ADNP: variants seen among roughly 807,000 people sequenced by gnomAD.
ADNP encodes the protein activity-dependent neuroprotector homeobox protein.
ADNP carries 4 observed loss-of-function variants against 84.9 expected under a neutral mutation model. That is an observed-to-expected ratio of 0.05 (90% CI 0.02 to 0.11). ADNP has a LOEUF of 0.11. Among genes scored for constraint, ADNP ranks in the 10% least tolerant of loss-of-function variants. The pLI, the probability that ADNP is intolerant of heterozygous loss-of-function variation, is 1.00. For missense variants in ADNP, 1,132 were observed against 1,326.0 expected (o/e 0.85, Z 2.27); for synonymous variants, 554 against 468.1 (o/e 1.18, Z -2.37).
intron 2 of ADNP, 139 bp from the exon 3 acceptor site, chr20:50,904,988 C>CA (rs1982332751): frequency 6.6e-6 from 1 of 152,126 alleles, no homozygotes. Flanking sequence ...CGTACCTGGG[C>CA]AAAGGTACTC....
intron 2 of ADNP, among the ~76,000 whole-genome samples, chr20:50,911,501 TTTTC>T (rs1386667023): frequency 2.7e-5 from 4 of 150,056 alleles, no homozygotes; most frequent in Admixed American, 1.3e-4. Flanking sequence ...CCCAGATTTC[TTTTC>T]TTTTCTTTTT....
intron 2 of ADNP, chr20:50,914,063 C>T: frequency 1.3e-6 from 1 of 742,774 alleles, no homozygotes; most frequent in Admixed American, 1.9e-5. Flanking sequence ...CTACATCATG[C>T]AGCTTCCAAA....
chr20:50,915,483 C>T (rs73263672), intron 2 of ADNP, among the ~76,000 whole-genome samples: 4,685 of 152,154 alleles, frequency 0.031, 232 homozygotes, highest in African/African-American at 0.11. Context: ...AAACAATCAC[C>T]CCACTCAATC....
rs367605121 is a variant in ADNP at position 50,891,858 on chromosome 20, T to C, written c.2856A>G (p.Ala952=). 6 of 1,614,146 alleles carry C rather than the reference T, an allele frequency of 3.7e-6. No individual in the cohort carries two copies. The highest frequency in any genetic ancestry group is 1.1e-5 in the South Asian group (1 of 91,090). The change falls in exon 6 of 6, where the codon GCA becomes GCG. Residue 952 remains alanine, a synonymous_variant. Coordinates refer to ENST00000621696, the MANE Select transcript of ADNP (RefSeq NM_001282531.3). The part of the protein sequence containing the change: ...TEEPTKLMHN[A]SDSEVDQDDV... ...CGTCTTGGTCAACCTCACTATCAGA[T>C]GCATTGTGCATTAGTTTGGTTGGTT... is the stretch of plus-strand genomic sequence containing the variant.
chr20:50,892,801 G>A lies in ADNP; in HGVS notation c.1913C>T (p.Ala638Val), dbSNP rs753360109. ...CCTCTCTCGTAAGTGATGTGCAAGT[G>A]CATCAGATATGGGTCCTTTTAGGAT... is the stretch of plus-strand genomic sequence containing the variant. The part of the protein sequence containing the change: ...FSILKGPISD[A>V]LAHHLRERHQ... The change falls in exon 6 of 6, where the codon GCA becomes GTA. Residue 638 changes from alanine to valine, a missense_variant. Physicochemically the swap from Ala to Val is moderately conservative, Grantham distance 64. Transcript: ENST00000621696. The A allele has an allele frequency of 6.2e-7, 1 of 1,614,228 alleles. No homozygotes were observed. Among genetic ancestry groups the A allele is most frequent in the Non-Finnish European group, 8.5e-7 (1 of 1,180,036 alleles).
In ADNP at chr20:50,892,441, C is replaced by A; in HGVS notation, c.2273G>T (p.Gly758Val). The change falls in exon 6 of 6, where the codon GGT becomes GTT. Residue 758 changes from glycine (G) to valine (V), a missense_variant. By Grantham distance (109) the Gly-to-Val change is moderately radical (BLOSUM62 -3). Transcript: ENST00000621696. The stretch of plus-strand genomic sequence containing the variant: ...GGCTTCATAGGAATCATCTTCATGA[C>A]CCTTGGGGTCTAAAGCTAAAACAAC... ...EPVVLALDPK[G>V]HEDDSYEARK... 1 of 1,614,140 alleles carries A rather than the reference C, an allele frequency of 6.2e-7. No individual in the cohort carries two copies. The highest frequency in any genetic ancestry group is 8.5e-7 in the Non-Finnish European group (1 of 1,180,042).
rs949032349 is a variant in ADNP, at chr20:50,925,162, T to A, written c.-90+3489A>T. On this transcript the variant is annotated intron_variant, in intron 2 of 5. Coordinates refer to ENST00000621696, the MANE Select transcript of ADNP (RefSeq NM_001282531.3). The stretch of plus-strand genomic sequence containing the variant: ...GGACCCAGGACTAAAAACAGTAATA[T>A]GAATTTTGCATTTTTCATTGATTAG... Among the ~76,000 whole-genome samples the A allele has an allele frequency of 2.6e-5, 4 of 152,008 alleles. No individual in the cohort carries two copies. In the East Asian group the frequency reaches 7.7e-4, roughly 29 times the overall value.
intron 2 of ADNP, among the ~76,000 whole-genome samples, chr20:50,919,878 G>A (rs1983823574): frequency 6.6e-6 from 1 of 151,856 alleles, no homozygotes; most frequent in Non-Finnish European, 1.5e-5. Context: ...GGATAGGATG[G>A]GGATCTTGAA....
intron 1 of ADNP, among the ~76,000 whole-genome samples, chr20:50,930,268 G>C (rs915858347): frequency 6.6e-6 from 1 of 152,186 alleles, no homozygotes; most frequent in African/African-American, 2.4e-5. Context: ...CTGTGGTCAG[G>C]ATAAGAGGAA....
intron 5 of ADNP, among the ~76,000 whole-genome samples, chr20:50,898,256 T>C (rs1568717060): frequency 6.6e-6 from 1 of 152,210 alleles, no homozygotes; most frequent in Non-Finnish European, 1.5e-5. Context: ...CACTTTCCCA[T>C]TATGTAATGA....
intron 2 of ADNP, among the ~76,000 whole-genome samples, chr20:50,924,388 T>C (rs16995626): frequency 0.072 from 10,909 of 152,232 alleles, 393 homozygotes; most frequent in Middle Eastern, 0.13. Flanking sequence ...TAAGCTCACA[T>C]GGAAGCATAA....
In ADNP at chr20:50,891,234, C is replaced by T. The variant is rs1242944610; in HGVS notation, c.*171G>A. On this transcript the variant is annotated 3_prime_UTR_variant, in exon 6 of 6. Coordinates refer to ENST00000621696, the MANE Select transcript of ADNP (RefSeq NM_001282531.3). Reference sequence around the variant, plus strand: ...GTCAGAGAAGGTTCTGAAGCAAGAACAGCCTGTCCTGTCATAGACTTAGAA... The same window carrying T: ...GTCAGAGAAGGTTCTGAAGCAAGAATAGCCTGTCCTGTCATAGACTTAGAA... 3.7e-6 allele frequency: 5 copies of T among 1,360,456 alleles called. No individual in the cohort carries two copies. The highest frequency in any genetic ancestry group is 3.0e-5 in the African/African-American group (2 of 67,414). The allele number at this position is 1,360,456 out of a possible 1,614,324, so 84.3% of individuals were successfully genotyped here.
At chr20:50,899,093 C>T (rs535731852) in intron 5 of ADNP, among the ~76,000 whole-genome samples, 1 of 151,928 alleles carries the variant, frequency 6.6e-6, no homozygotes, top group Non-Finnish European at 1.5e-5. Flanking sequence ...ATACAGTATT[C>T]TTGGGATGCT....
chr20:50,925,291 C>CACACACACACACACACACACA (rs58814962), intron 2 of ADNP, among the ~76,000 whole-genome samples: 1 of 150,114 alleles, frequency 6.7e-6, no homozygotes, highest in African/African-American at 2.5e-5. Flanking sequence ...CACACACACA[C>CACACACACACACACACACACA]TACATAATCA....
chr20:50,905,956 T>G (rs1982434145), intron 2 of ADNP, among the ~76,000 whole-genome samples: 1 of 152,188 alleles, frequency 6.6e-6, no homozygotes, highest in Admixed American at 6.5e-5. Flanking sequence ...CTCACGCCTG[T>G]AATCCCAACA....
chr20:50,894,555 T>C (rs1216139658), intron 5 of ADNP, 43 bp from the exon 6 acceptor site: 9 of 1,538,758 alleles, frequency 5.8e-6, no homozygotes, highest in Non-Finnish European at 7.0e-6. Context: ...CCACTTCAGA[T>C]AGGCAGTTAA....
chr20:50,899,276 A>T (rs1337877324), intron 5 of ADNP, among the ~76,000 whole-genome samples: 1 of 150,436 alleles, frequency 6.6e-6, no homozygotes, highest in African/African-American at 2.5e-5. Context: ...AGCTCACTGC[A>T]ACCTCCACCT....
At position 50,891,886 on chromosome 20, in the gene ADNP, T is replaced by C. The variant is rs746768340; in HGVS notation, c.2828A>G (p.Glu943Gly). 1 of 1,614,238 alleles carries C rather than the reference T, an allele frequency of 6.2e-7. No homozygotes were observed. Among genetic ancestry groups the C allele is most frequent in the South Asian group, 1.1e-5 (1 of 91,082 alleles). Residue 943 changes from glutamate to glycine, a missense_variant, in exon 6 of 6, where the codon GAG (glutamate) becomes GGG (glycine). Glu to Gly is a moderately conservative substitution (Grantham distance 98, BLOSUM62 -2). Around this residue, in one of 10 missense-constraint regions of ADNP, gnomAD observed 381 missense variants for 319.9 expected, o/e 1.19. Coordinates refer to ENST00000621696, the MANE Select transcript of ADNP (RefSeq NM_001282531.3). ...GSKYETIHLTEEPTKLMHNAS... is the reference protein window; with the variant it reads ...GSKYETIHLTGEPTKLMHNAS... The stretch of plus-strand genomic sequence containing the variant: ...ATTGTGCATTAGTTTGGTTGGTTCC[T>C]CAGTCAAATGAATAGTTTCGTATTT...
intron 5 of ADNP, among the ~76,000 whole-genome samples, chr20:50,896,747 T>C (rs1981437610): frequency 6.6e-6 from 1 of 151,046 alleles, no homozygotes; most frequent in South Asian, 2.1e-4. Flanking sequence ...ATGGTAACAA[T>C]GCCTTCTTCT....
Sources: gnomAD v4.1 joint callset for allele counts (sites outside exome capture counted in the v4.1 genomes callset) on GRCh38, gnomAD v4.1.1 for gene constraint, gnomAD v4.1.1 regional missense constraint, MANE v1.5 for transcripts, NCBI Gene and HGNC (gene_info 2026-07-23, HGNC 2026-07-21) for gene names.